Variants in MCF2L2 observed in about 807,000 individuals in gnomAD.
The protein encoded by MCF2L2 is probable guanine nucleotide exchange factor MCF2L2.
MCF2L2 carries 102 observed loss-of-function variants against 150.2 expected under a neutral mutation model. The observed-to-expected ratio is 0.68, with a 90% CI of 0.58 to 0.80. The LOEUF is 0.80. Ranked by LOEUF, MCF2L2 falls within the 30% of genes least tolerant of loss-of-function variation. MCF2L2 has a pLI of 0.00. For missense variants in MCF2L2, 1,256 were observed against 1,372.8 expected (o/e 0.91, Z 1.34); for synonymous variants, 465 against 491.3 (o/e 0.95, Z 0.71).
At chr3:183,253,831 C>G (rs1724744129) in intron 15 of MCF2L2, 1 of 152,304 alleles carries the variant, frequency 6.6e-6, no homozygotes, top group Non-Finnish European at 1.5e-5. Context: ...AGTCTGTGGT[C>G]AGTTACGTGG....
intron 1 of MCF2L2, chr3:183,400,631 C>A: frequency 2.9e-6 from 1 of 347,422 alleles, no homozygotes; most frequent in Non-Finnish European, 5.7e-6. Flanking sequence ...GAGAGTTGAT[C>A]CTTTTGATTG....
intron 1 of MCF2L2, among the ~76,000 whole-genome samples, chr3:183,423,641 T>A (rs1265997576): frequency 1.4e-5 from 2 of 143,296 alleles, no homozygotes; most frequent in African/African-American, 5.2e-5. Context: ...TGTTTTTTTT[T>A]TTTTTTTTTT....
intron 3 of MCF2L2, among the ~76,000 whole-genome samples, chr3:183,351,215 TATATATATATATATA>T (rs1731113550): frequency 2.2e-5 from 2 of 90,468 alleles, no homozygotes; most frequent in East Asian, 4.2e-4. Context: ...TATATATATA[TATATATATATATATA>T]TATATATTTA....
chr3:183,423,446 ATTC>A (rs1002138704), intron 1 of MCF2L2, among the ~76,000 whole-genome samples: 1 of 152,182 alleles, frequency 6.6e-6, no homozygotes, highest in Non-Finnish European at 1.5e-5. Context: ...TTCAAAGGAT[ATTC>A]TTTTCTGCTT....
chr3:183,329,393 G>T (rs987762597), intron 5 of MCF2L2, among the ~76,000 whole-genome samples: 1 of 152,086 alleles, frequency 6.6e-6, no homozygotes, highest in Non-Finnish European at 1.5e-5. Context: ...CACCATGTTG[G>T]CCAGGCTGGT....
chr3:183,347,638 T>C (rs1730953304), intron 3 of MCF2L2, among the ~76,000 whole-genome samples: 1 of 152,148 alleles, frequency 6.6e-6, no homozygotes. Context: ...TGGTAGAACA[T>C]TTTTGCAATC....
At chr3:183,382,417 G>A (rs962225493) in intron 2 of MCF2L2, among the ~76,000 whole-genome samples, 1 of 152,146 alleles carries the variant, frequency 6.6e-6, no homozygotes, top group African/African-American at 2.4e-5. Flanking sequence ...ATGAAAAAAG[G>A]TGAAGTTTTC....
intron 15 of MCF2L2, 120 bp downstream of exon 15, chr3:183,276,752 G>C: frequency 1.5e-6 from 1 of 663,298 alleles, no homozygotes. Context: ...GGTTAGTATA[G>C]AGGATAAATA....
intron 20 of MCF2L2, 26 bp downstream of exon 20, chr3:183,223,320 G>A: frequency 1.3e-6 from 2 of 1,571,256 alleles, no homozygotes; most frequent in Non-Finnish European, 8.8e-7. Flanking sequence ...TCCCACCAAG[G>A]AAAAGCACTG....
At chr3:183,304,504 T>C (rs1729006391) in intron 10 of MCF2L2, among the ~76,000 whole-genome samples, 1 of 143,852 alleles carries the variant, frequency 7.0e-6, no homozygotes, top group Admixed American at 7.3e-5. Context: ...TCTTGCTCTG[T>C]AGCTAGGCTG....
intron 7 of MCF2L2, among the ~76,000 whole-genome samples, chr3:183,312,263 T>G (rs779838185): frequency 3.3e-5 from 5 of 152,210 alleles, no homozygotes. Flanking sequence ...CCTTGTTTAA[T>G]TATTTAAGTT....
chr3:183,355,390 G>T (rs1026519962), intron 3 of MCF2L2, among the ~76,000 whole-genome samples: 5 of 151,734 alleles, frequency 3.3e-5, no homozygotes, highest in African/African-American at 1.2e-4. Context: ...TTCAGTAGAG[G>T]GGGGCAGAAA....
chr3:183,297,177 A>G lies in MCF2L2; in HGVS notation c.1306-10T>C, dbSNP rs1728554696. 1 of 1,612,688 alleles carries G rather than the reference A, an allele frequency of 6.2e-7. No individual in the cohort carries two copies. Among genetic ancestry groups the G allele is most frequent in the Non-Finnish European group, 8.5e-7 (1 of 1,179,306 alleles). On this transcript the variant is annotated splice_polypyrimidine_tract_variant and intron_variant, in intron 11 of 29. Transcript: ENST00000328913. ...CACACCATTGGCTGACCTTTTGGAA[A>G]GAAACAGTGCCCTGTGCACTTCGCC...
At chr3:183,301,014 C>CAAAAAAAA (rs11388183) in intron 10 of MCF2L2, among the ~76,000 whole-genome samples, 26 of 65,590 alleles carry the variant, frequency 4.0e-4, no homozygotes, top group Non-Finnish European at 6.7e-4. Context: ...GACTCCATCT[C>CAAAAAAAA]AAAAAAAAAA....
intron 5 of MCF2L2, among the ~76,000 whole-genome samples, chr3:183,327,109 G>A (rs13434291): frequency 0.035 from 5,345 of 151,948 alleles, 319 homozygotes; most frequent in African/African-American, 0.12. Flanking sequence ...GGCAGATCAC[G>A]AGGTCAGGAA....
At chr3:183,214,614 GA>G (rs991596407) in intron 22 of MCF2L2, among the ~76,000 whole-genome samples, 6 of 149,778 alleles carry the variant, frequency 4.0e-5, no homozygotes, top group Admixed American at 3.3e-4. Flanking sequence ...AAAATGAAAA[GA>G]AAAAAAAAGA....
At chr3:183,241,426 T>G (rs1340165170) in intron 15 of MCF2L2, among the ~76,000 whole-genome samples, 2 of 152,090 alleles carry the variant, frequency 1.3e-5, no homozygotes, top group African/African-American at 4.8e-5. Flanking sequence ...AGGGACCCAG[T>G]GGAAAGTAAT....
intron 11 of MCF2L2, chr3:183,298,765 G>GCGCGCGCGCGCACACACACA: frequency 1.2e-4 from 17 of 138,580 alleles, no homozygotes; most frequent in African/African-American, 3.8e-4. Flanking sequence ...AAACACACAT[G>GCGCGCGCGCGCACACACACA]CACACACACA....
chr3:183,197,449 G>GAAAC lies in MCF2L2; in HGVS notation c.2885-2198_2885-2195dup, dbSNP rs146812700. On this transcript the variant is annotated intron_variant, in intron 25 of 29. Transcript: ENST00000328913. This position sits in a 1 kb window ranked among gnomAD's most constrained non-coding sequence, Gnocchi z 4.5. ...TCACACCACATACAAATCAAAAACA[G>GAAAC]AAACAAACAAACAAACAAACAAATA... 2.0e-4 allele frequency among the ~76,000 whole-genome samples: 30 copies of GAAAC among 151,992 alleles called. No individual in the cohort carries two copies. Among genetic ancestry groups the GAAAC allele is most frequent in the African/African-American group, 4.8e-4 (20 of 41,392 alleles).
Sources: gnomAD v4.1 joint callset for allele counts (sites outside exome capture counted in the v4.1 genomes callset) on GRCh38, gnomAD v4.1.1 for gene constraint, Gnocchi (gnomAD v3.1) non-coding constraint, MANE v1.5 for transcripts, NCBI Gene and HGNC (gene_info 2026-07-23, HGNC 2026-07-21) for gene names.